The following ANK3 variants were observed in gnomAD, a reference collection of about 807,000 sequenced individuals.
ANK3 encodes ankyrin 3.
ANK3 carries 57 observed loss-of-function variants against 370.9 expected under a neutral mutation model. The ratio of observed to expected loss-of-function variants is 0.15; its 90% CI spans 0.12 to 0.19. ANK3 has a LOEUF of 0.19. Among genes scored for constraint, ANK3 ranks in the 10% least tolerant of loss-of-function variants. The probability of loss-of-function intolerance (pLI) is 1.00; values close to 1 mark genes in which losing one functional copy is unlikely to be tolerated. For missense variants in ANK3, 4,439 were observed against 5,302.1 expected, an observed-to-expected ratio of 0.84 and a Z score of 5.06; for synonymous variants, 1,929 against 1,946.3, an observed-to-expected ratio of 0.99 and a Z score of 0.23.
At chr10:60,196,404 C>A in intron 15 of ANK3, 123 bp downstream of exon 15, 1 of 906,460 alleles carries the variant, frequency 1.1e-6, no homozygotes, top group Non-Finnish European at 1.7e-6. Flanking sequence ...TTCCCAAGTG[C>A]TCTTCATCCT....
At chr10:60,308,740 T>C (rs2045736421) in intron 1 of ANK3, among the ~76,000 whole-genome samples, 1 of 152,102 alleles carries the variant, frequency 6.6e-6, no homozygotes, top group Admixed American at 6.6e-5. Context: ...CGATACACTG[T>C]CTAGGCAGGG....
At chr10:60,489,361 A>T (rs2075432856) in intron 2 of ANK3, among the ~76,000 whole-genome samples, 1 of 152,218 alleles carries the variant, frequency 6.6e-6, no homozygotes, top group Admixed American at 6.5e-5. Context: ...GCTGTTAGTT[A>T]TTATTACATG....
At chr10:60,652,539 G>T (rs948934528) in intron 1 of ANK3, among the ~76,000 whole-genome samples, 1 of 151,896 alleles carries the variant, frequency 6.6e-6, no homozygotes, top group Non-Finnish European at 1.5e-5. Flanking sequence ...AGAGGCAGAG[G>T]CATAAATGGG....
intron 37 of ANK3, 137 bp downstream of exon 37, chr10:60,068,500 C>A: frequency 1.1e-6 from 1 of 917,674 alleles, no homozygotes; most frequent in Non-Finnish European, 1.6e-6. Flanking sequence ...TAATGAGAAA[C>A]TACGGTTAAG....
At chr10:60,219,654 T>C (rs1199051327) in intron 8 of ANK3, among the ~76,000 whole-genome samples, 1 of 152,180 alleles carries the variant, frequency 6.6e-6, no homozygotes, top group African/African-American at 2.4e-5. Context: ...TTTTCACAAG[T>C]GTTCTTGGTT....
chr10:60,586,427 G>GT lies in ANK3; in HGVS notation c.96+28758dup, dbSNP rs199848236. The stretch of plus-strand genomic sequence containing the variant: ...CTCACCTTCGTTTTTCCAAACGGGA[G>GT]TTTTTTTGTGGTTGCCTATCTTTAC... On this transcript the variant is annotated intron_variant, in intron 2 of 43. Coordinates refer to the ANK3 transcript ENST00000373827. 6.2e-3 allele frequency among the ~76,000 whole-genome samples: 950 copies of GT among 152,204 alleles called. 6 individuals are homozygous for GT. Among genetic ancestry groups the GT allele is most frequent in the South Asian group, 0.013 (63 of 4,812 alleles).
At chr10:60,342,890 T>G (rs1262623129) in intron 1 of ANK3, among the ~76,000 whole-genome samples, 1 of 152,202 alleles carries the variant, frequency 6.6e-6, no homozygotes, top group Non-Finnish European at 1.5e-5. Flanking sequence ...TCTTGAAGAT[T>G]AACAATTCTC....
chr10:60,367,073 GT>G (rs745344859), intron 1 of ANK3, among the ~76,000 whole-genome samples: 44 of 152,206 alleles, frequency 2.9e-4, no homozygotes, highest in Middle Eastern at 3.4e-3. Context: ...AAAATTTTCT[GT>G]TACACTTAAG....
intron 1 of ANK3, among the ~76,000 whole-genome samples, chr10:60,619,533 A>G (rs1253071270): frequency 6.6e-6 from 1 of 152,212 alleles, no homozygotes; most frequent in African/African-American, 2.4e-5. Flanking sequence ...GGTTCCACAG[A>G]AAAACAAAAA....
chr10:60,117,331 A>C (rs1163617940), intron 25 of ANK3, among the ~76,000 whole-genome samples: 1 of 152,178 alleles, frequency 6.6e-6, no homozygotes, highest in Admixed American at 6.5e-5. Flanking sequence ...TGGACCTACA[A>C]GGAATATGAC....
intron 1 of ANK3, among the ~76,000 whole-genome samples, chr10:60,698,279 T>G (rs1402695009): frequency 5.7e-4 from 86 of 149,708 alleles, no homozygotes; most frequent in African/African-American, 2.1e-3. Context: ...TGTGGAGAAA[T>G]AGGAACACTT....
At chr10:60,581,938 G>A (rs574179400) in intron 2 of ANK3, among the ~76,000 whole-genome samples, 8 of 152,228 alleles carry the variant, frequency 5.3e-5, no homozygotes, top group African/African-American at 1.9e-4. Context: ...ATACTATGCA[G>A]CCATAAAAAA....
At chr10:60,712,439 G>A (rs1450637977) in intron 1 of ANK3, among the ~76,000 whole-genome samples, 1 of 152,088 alleles carries the variant, frequency 6.6e-6, no homozygotes, top group Non-Finnish European at 1.5e-5. Context: ...AGTAAACTTG[G>A]ATTGGTTGTT....
chr10:60,393,560 T>G (rs1404057295), upstream of ANK3, among the ~76,000 whole-genome samples: 2 of 152,148 alleles, frequency 1.3e-5, no homozygotes, highest in African/African-American at 4.8e-5. Context: ...TGTGACTAAA[T>G]ATTCCACCAA....
At chr10:60,556,710 A>G (rs1044638023) in intron 2 of ANK3, among the ~76,000 whole-genome samples, 1 of 152,236 alleles carries the variant, frequency 6.6e-6, no homozygotes, top group Non-Finnish European at 1.5e-5. Flanking sequence ...ATTTAATACA[A>G]TAAAAATCAA....
At chr10:60,480,216 G>C (rs2075176059) in intron 2 of ANK3, among the ~76,000 whole-genome samples, 1 of 152,146 alleles carries the variant, frequency 6.6e-6, no homozygotes, top group South Asian at 2.1e-4. Flanking sequence ...GATATGATGA[G>C]TTCAATTTGG....
At chr10:60,327,538 T>A (rs933983204) in intron 1 of ANK3, among the ~76,000 whole-genome samples, 1 of 152,196 alleles carries the variant, frequency 6.6e-6, no homozygotes. Flanking sequence ...CTGGAGTCCC[T>A]CCCTGTCCTC....
intron 17 of ANK3, among the ~76,000 whole-genome samples, chr10:60,186,013 C>T (rs906739261): frequency 6.6e-6 from 1 of 152,174 alleles, no homozygotes; most frequent in African/African-American, 2.4e-5. Context: ...CATAAAATAG[C>T]TACTCTAAAT....
rs112631227 is a variant in ANK3 at position 60,438,159 on chromosome 10, C to T, written c.97-158520G>A. 2.9e-3 allele frequency among the ~76,000 whole-genome samples: 446 copies of T among 152,196 alleles called. 3 individuals carry two copies. Among genetic ancestry groups the T allele is most frequent in the African/African-American group, 0.01 (422 of 41,518 alleles). On this transcript the variant is annotated intron_variant, in intron 2 of 43. Transcript: ENST00000373827. ...AAATTAGCTAGTGGTTTTAGGAACA[C>T]ACCTAGCTTAAACATAACTTTCAAT... is the stretch of plus-strand genomic sequence containing the variant.
Sources: allele counts gnomAD v4.1 joint callset (sites outside exome capture counted in the v4.1 genomes callset), GRCh38; gene constraint gnomAD v4.1.1; transcripts MANE v1.5; gene names NCBI Gene and HGNC (gene_info 2026-07-23, HGNC 2026-07-21).